Variants in GRID2 observed in about 807,000 individuals in gnomAD.
The protein encoded by GRID2 is glutamate ionotropic receptor delta type subunit 2.
Under a neutral mutation model 114.8 loss-of-function variants are expected in GRID2, and 33 were observed. That is an observed-to-expected ratio of 0.29 (90% confidence interval 0.22 to 0.38). The LOEUF is 0.38. Ranked by LOEUF, GRID2 falls within the 10% of genes least tolerant of loss-of-function variation. The pLI is 1.00. For synonymous variants in GRID2, 505 were observed against 449.9 expected, an observed-to-expected ratio of 1.12 and a Z score of -1.55; for missense variants, 1,184 against 1,257.7, an observed-to-expected ratio of 0.94 and a Z score of 0.89.
chr4:92,839,822 T>A (rs1742747829), intron 2 of GRID2, among the ~76,000 whole-genome samples: 2 of 152,190 alleles, frequency 1.3e-5, no homozygotes, highest in South Asian at 4.1e-4. Flanking sequence ...CCTGTAAATA[T>A]CTATTAGATC....
chr4:92,674,568 G>C (rs1394336076), intron 2 of GRID2, among the ~76,000 whole-genome samples: 1 of 151,890 alleles, frequency 6.6e-6, no homozygotes, highest in Non-Finnish European at 1.5e-5. Flanking sequence ...TGTTGCCCAG[G>C]CTGGAGTACA....
intron 1 of GRID2, among the ~76,000 whole-genome samples, chr4:92,356,012 C>A (rs918460731): frequency 6.6e-6 from 1 of 151,732 alleles, no homozygotes; most frequent in Non-Finnish European, 1.5e-5. Flanking sequence ...AATGGCATTT[C>A]ATTCATCCAT....
At chr4:93,446,857 A>G (rs1462799453) in intron 10 of GRID2, among the ~76,000 whole-genome samples, 4 of 151,698 alleles carry the variant, frequency 2.6e-5, no homozygotes, top group Non-Finnish European at 4.4e-5. Flanking sequence ...TTACAACTCT[A>G]TTAAATATAA....
chr4:93,758,068 GAA>G (rs1732902886), intron 14 of GRID2, among the ~76,000 whole-genome samples: 1 of 152,196 alleles, frequency 6.6e-6, no homozygotes, highest in Non-Finnish European at 1.5e-5. Flanking sequence ...AAAATGAAGA[GAA>G]ACTGTTCTCC....
At chr4:92,920,523 G>C (rs1192829592) in intron 2 of GRID2, among the ~76,000 whole-genome samples, 1 of 152,124 alleles carries the variant, frequency 6.6e-6, no homozygotes, top group Non-Finnish European at 1.5e-5. Context: ...TCCTTCAGGA[G>C]CTCTTTTAGG....
At chr4:93,083,891 A>G (rs749934220) in intron 2 of GRID2, among the ~76,000 whole-genome samples, 64 of 152,066 alleles carry the variant, frequency 4.2e-4, no homozygotes, top group Non-Finnish European at 1.6e-4. Flanking sequence ...TATCATTAGT[A>G]CAGCACTTTT....
At chr4:93,087,040 T>A (rs1730390834) in intron 3 of GRID2, among the ~76,000 whole-genome samples, 1 of 151,586 alleles carries the variant, frequency 6.6e-6, no homozygotes. Context: ...ATTTATTTAT[T>A]TATTTATTTT....
At chr4:92,600,044 G>GTATGTATA (rs1729143533) in intron 2 of GRID2, among the ~76,000 whole-genome samples, 1 of 54,456 alleles carries the variant, frequency 1.8e-5, no homozygotes, top group Non-Finnish European at 3.4e-5. Context: ...GTGTGTGTGT[G>GTATGTATA]TATATATATA....
intron 8 of GRID2, among the ~76,000 whole-genome samples, chr4:93,382,622 G>T (rs1299172726): frequency 1.3e-5 from 2 of 151,744 alleles, no homozygotes; most frequent in Non-Finnish European, 2.9e-5. Context: ...ATTTATTCAT[G>T]TATTATTTCT....
At chr4:93,425,261 A>G (rs144538311) in intron 10 of GRID2, among the ~76,000 whole-genome samples, 13 of 152,300 alleles carry the variant, frequency 8.5e-5, no homozygotes, top group African/African-American at 2.9e-4. Context: ...CTGAAATTGT[A>G]TATTCTGAAA....
intron 13 of GRID2, among the ~76,000 whole-genome samples, chr4:93,532,063 A>AG (rs1041090052): frequency 1.3e-5 from 2 of 152,182 alleles, no homozygotes; most frequent in Non-Finnish European, 2.9e-5. Flanking sequence ...ACTGGTTATG[A>AG]GGCCTAGTCA....
intron 4 of GRID2, among the ~76,000 whole-genome samples, chr4:93,114,945 A>T (rs143674082): frequency 6.6e-6 from 1 of 152,212 alleles, no homozygotes; most frequent in African/African-American, 2.4e-5. Context: ...GGAATACCGT[A>T]GGAGAACTGA....
At chr4:92,660,471 A>G (rs1446097371) in intron 2 of GRID2, among the ~76,000 whole-genome samples, 2 of 151,334 alleles carry the variant, frequency 1.3e-5, no homozygotes, top group Admixed American at 6.6e-5. Flanking sequence ...GAAATGATAC[A>G]TGAGTAAATG....
At chr4:93,431,104 T>G (rs1194870971) in intron 10 of GRID2, among the ~76,000 whole-genome samples, 4 of 152,050 alleles carry the variant, frequency 2.6e-5, no homozygotes, top group Non-Finnish European at 5.9e-5. Context: ...AAGGGAGAAG[T>G]CTGGAATAAT....
chr4:93,676,201 A>G (rs944027013), intron 14 of GRID2, among the ~76,000 whole-genome samples: 1 of 152,252 alleles, frequency 6.6e-6, no homozygotes, highest in African/African-American at 2.4e-5. Flanking sequence ...GTAACTTTGA[A>G]CAAACTAATC....
rs139144044 is a variant in GRID2 at position 92,820,524 on chromosome 4, G to A, written c.244+230238G>A. Among the ~76,000 whole-genome samples, 375 of 152,202 alleles carry A rather than the reference G, an allele frequency of 2.5e-3. 2 individuals are homozygous for A. Among genetic ancestry groups the A allele is most frequent in the African/African-American group, 8.6e-3 (356 of 41,578 alleles). The stretch of plus-strand genomic sequence containing the variant: ...AAACAAAGAAAGAAAACAGCACTAT[G>A]CAACCTCTGGTTTGCTTATGGTACT... On this transcript the variant is annotated intron_variant, in intron 2 of 15. Transcript: ENST00000282020.
At chr4:93,210,556 T>A (rs1483646676) in intron 5 of GRID2, among the ~76,000 whole-genome samples, 1 of 152,094 alleles carries the variant, frequency 6.6e-6, no homozygotes, top group Non-Finnish European at 1.5e-5. Flanking sequence ...CCCTTAGGAT[T>A]TTGTTTTTTG....
intron 7 of GRID2, among the ~76,000 whole-genome samples, chr4:93,228,546 G>A (rs1481571669): frequency 6.6e-6 from 1 of 152,132 alleles, no homozygotes; most frequent in Non-Finnish European, 1.5e-5. Flanking sequence ...AATTTTGGCT[G>A]TTATCAACAA....
intron 2 of GRID2, among the ~76,000 whole-genome samples, chr4:92,937,745 A>C (rs932017985): frequency 6.8e-6 from 1 of 146,664 alleles, no homozygotes; most frequent in African/African-American, 2.4e-5. Flanking sequence ...AAAAAAGAAA[A>C]AAATCATTGG....
Sources: allele counts gnomAD v4.1 joint callset (sites outside exome capture counted in the v4.1 genomes callset), GRCh38; gene constraint gnomAD v4.1.1; transcripts MANE v1.5; gene names NCBI Gene and HGNC (gene_info 2026-07-23, HGNC 2026-07-21).